The following DIPK2A variants were observed in gnomAD, a reference collection of about 807,000 sequenced individuals.
DIPK2A encodes the protein divergent protein kinase domain 2A, also known as Golgi Protein of 49 kDa.
Under a neutral mutation model 39.0 loss-of-function variants are expected in DIPK2A, and 27 were observed. The observed-to-expected ratio is 0.69, with a 90% CI of 0.51 to 0.96. The LOEUF (loss-of-function observed/expected upper bound fraction) is 0.96. DIPK2A is among the 40% of genes least tolerant of loss of function. The pLI is 0.00. For synonymous variants in DIPK2A, 298 were observed against 240.8 expected (o/e 1.24, Z -2.20); for missense variants, 528 against 571.3 (o/e 0.92, Z 0.77).
chr3:143,978,604 A>ATCTATC (rs368704003), intron 1 of DIPK2A: 1 of 35,578 alleles, frequency 2.8e-5, no homozygotes, highest in African/African-American at 4.8e-4. Flanking sequence ...CTATCTATCT[A>ATCTATC]TATATATATA....
At position 143,985,816 on chromosome 3, in the gene DIPK2A, T is replaced by A; in HGVS notation, c.931T>A (p.Leu311Met). The A allele has an allele frequency of 6.2e-7, 1 of 1,613,230 alleles. No individual in the cohort carries two copies. Among genetic ancestry groups the A allele is most frequent in the Non-Finnish European group, 8.5e-7 (1 of 1,179,490 alleles). ...AATCATTGTGGATGCTGAAAATGTT[T>A]TGGTTGCTGACAAAAGATTAATTAG... ...KVIIVDAENV[L>M]VADKRLIRQN... Residue 311 changes from leucine (L) to methionine (M), a missense_variant, in exon 2 of 3, where the codon TTG (leucine) becomes ATG (methionine). Leu to Met is a conservative substitution (Grantham distance 15). Around this residue, in one of 2 missense-constraint regions of DIPK2A, gnomAD observed 219 missense variants for 281.5 expected, o/e 0.78. Transcript: ENST00000315691.
chr3:143,985,341 A>G (rs762323160), intron 1 of DIPK2A, among the ~76,000 whole-genome samples: 2 of 152,216 alleles, frequency 1.3e-5, no homozygotes, highest in African/African-American at 2.4e-5. Context: ...TTTATAATGT[A>G]AAGTTCTCTA....
In DIPK2A at chr3:143,989,591, A is replaced by G; in HGVS notation, c.1043A>G (p.Glu348Gly). The change falls in exon 3 of 3, where the codon GAA becomes GGA. Residue 348 changes from glutamate to glycine, a missense_variant. By Grantham distance (98) the Glu-to-Gly change is moderately conservative. This residue lies in a region of DIPK2A where 219 missense variants were observed against 281.5 expected (regional missense o/e 0.78). Coordinates refer to ENST00000315691, the MANE Select transcript of DIPK2A (RefSeq NM_173552.5). ...DKEACLSFSK[E>G]ILCARATVDH... is the part of the protein sequence containing the mutation. ...GAGGCTTGCTTATCATTTTCAAAAG[A>G]AATTCTTTGTGCTCGTGCCACTGTG... is the stretch of plus-strand genomic sequence containing the variant. The G allele has an allele frequency of 6.2e-7, 1 of 1,614,226 alleles. No individual in the cohort carries two copies. The highest frequency in any genetic ancestry group is 2.2e-5 in the East Asian group (1 of 44,880).
rs1373342773 is a variant in DIPK2A at position 143,991,417 on chromosome 3, A to T, written c.*1576A>T. On this transcript the variant is annotated 3_prime_UTR_variant, in exon 3 of 3. Coordinates refer to ENST00000315691, the MANE Select transcript of DIPK2A (RefSeq NM_173552.5). Reference sequence around the variant, plus strand: ...ATTATTATCAAATACTTCAATGTAGATATTTCTTAAGTTGAAATAGCATTA... The same window carrying T: ...ATTATTATCAAATACTTCAATGTAGTTATTTCTTAAGTTGAAATAGCATTA... 1 of 152,612 alleles carries T rather than the reference A, an allele frequency of 6.6e-6. No homozygotes were observed. Among genetic ancestry groups the T allele is most frequent in the African/African-American group, 2.4e-5 (1 of 41,456 alleles). The allele number at this position is 152,612 out of a possible 1,614,324, so 9.5% of individuals were successfully genotyped here.
intron 1 of DIPK2A, among the ~76,000 whole-genome samples, chr3:143,977,184 T>A (rs1411350974): frequency 1.3e-5 from 2 of 152,096 alleles, no homozygotes; most frequent in East Asian, 3.8e-4. Flanking sequence ...CAAAAGATTA[T>A]TTAGCTAACG....
In DIPK2A at chr3:143,990,215, C is replaced by G. The variant is rs1460550377; in HGVS notation, c.*374C>G. 6.1e-6 allele frequency: 1 copy of G among 162,918 alleles called. No homozygotes were observed. Among genetic ancestry groups the G allele is most frequent in the Non-Finnish European group, 1.3e-5 (1 of 74,860 alleles). The allele number at this position is 162,918 out of a possible 1,614,324, so 10.1% of individuals were successfully genotyped here. On this transcript the variant is annotated 3_prime_UTR_variant, in exon 3 of 3. Transcript: ENST00000315691. ...CATTTACTATCATGATTTTGTGAAT[C>G]TCTTGCATTTACTTTGAATGTCAAG...
At position 143,990,125 on chromosome 3, in the gene DIPK2A, G is replaced by A. The variant is rs1251179749; in HGVS notation, c.*284G>A. ...TGAGTGGATTAATGAATATTGTTAA[G>A]CTATTGGAAATGAGTCTGATAGTAC... is the stretch of plus-strand genomic sequence containing the variant. On this transcript the variant is annotated 3_prime_UTR_variant, in exon 3 of 3. Coordinates refer to ENST00000315691, the MANE Select transcript of DIPK2A (RefSeq NM_173552.5). The A allele has an allele frequency of 3.0e-5, 10 of 332,248 alleles. No homozygotes were observed. Among genetic ancestry groups the A allele is most frequent in the Non-Finnish European group, 5.0e-5 (9 of 179,536 alleles). The allele number at this position is 332,248 out of a possible 1,614,324, so 20.6% of individuals were successfully genotyped here.
Position 143,978,624 on chromosome 3 carries a change from ATATATATATATATATC to A in DIPK2A, c.657+5651_657+5666del, listed in dbSNP as rs1559854099. ...TATCTATATATATATATCTATATCT[ATATATATATATATATC>A]TATATATATATATATATATCTATAT... is the stretch of plus-strand genomic sequence containing the variant. On this transcript the variant is annotated intron_variant, in intron 1 of 2. Transcript: ENST00000315691. 3 of 32,596 alleles carry A rather than the reference ATATATATATATATATC, an allele frequency of 9.2e-5. No individual in the cohort carries two copies. The African/African-American group carries it at 9.6e-4, about 10-fold the overall frequency. The allele number at this position is 32,596 out of a possible 1,614,324, so 2.0% of individuals were successfully genotyped here.
chr3:143,989,778 C>A lies in DIPK2A; in HGVS notation c.1230C>A (p.Gly410=). 1 of 1,614,156 alleles carries A rather than the reference C, an allele frequency of 6.2e-7. No individual in the cohort carries two copies. Among genetic ancestry groups the A allele is most frequent in the Non-Finnish European group, 8.5e-7 (1 of 1,180,032 alleles). Residue 410 remains glycine (G), a synonymous_variant, in exon 3 of 3, where the codon GGC becomes GGA. Coordinates refer to ENST00000315691, the MANE Select transcript of DIPK2A (RefSeq NM_173552.5). ...DECANPKKRY[G]RFQAAKELRE... is the part of the protein sequence containing the mutation. ...GTGCCAACCCAAAGAAGCGCTATGGCAGATTCCAGGCTGCAAAAGAACTGC... is the reference window on the plus strand; with the variant it reads ...GTGCCAACCCAAAGAAGCGCTATGGAAGATTCCAGGCTGCAAAAGAACTGC...
At chr3:143,983,776 T>A (rs1048190468) in intron 1 of DIPK2A, among the ~76,000 whole-genome samples, 4 of 152,192 alleles carry the variant, frequency 2.6e-5, no homozygotes, top group Non-Finnish European at 4.4e-5. Flanking sequence ...GGAGCTGGTT[T>A]TTTGAAAAGA....
rs2087993590 is a variant in DIPK2A, at chr3:143,991,858, T to TG, written c.*2018dup. 6.6e-6 allele frequency: 1 copy of TG among 152,218 alleles called. No individual in the cohort carries two copies. The highest frequency in any genetic ancestry group is 2.4e-5 in the African/African-American group (1 of 41,464). The allele number at this position is 152,218 out of a possible 1,614,324, so 9.4% of individuals were successfully genotyped here. A position where few individuals can be genotyped will look rare whatever the true frequency, so the allele number is the denominator to read the frequency against. On this transcript the variant is annotated 3_prime_UTR_variant, in exon 3 of 3. Transcript: ENST00000315691. ...CTTATAATACCAGTCACAAAGAGGT[T>TG]GTCTGTCTATGGTTTAGCAAACATT...
rs536486981 is a variant in DIPK2A at position 143,985,730 on chromosome 3, C to G, written c.845C>G (p.Ala282Gly). The G allele has an allele frequency of 1.2e-6, 2 of 1,614,126 alleles. No homozygotes were observed. Among genetic ancestry groups the G allele is most frequent in the East Asian group, 4.5e-5 (2 of 44,882 alleles). The change falls in exon 2 of 3, where the codon GCA becomes GGA. Residue 282 changes from alanine (A) to glycine (G), a missense_variant. Coordinates refer to ENST00000315691, the MANE Select transcript of DIPK2A (RefSeq NM_173552.5). Reference protein sequence around the residue: ...EQLTNNDFEFALYLLDVSFDN... With the variant: ...EQLTNNDFEFGLYLLDVSFDN... ...CTTACAAACAATGACTTTGAATTTG[C>G]ACTCTACCTCCTGGACGTCAGCTTT...
rs768238482 is a variant in DIPK2A at position 143,985,698 on chromosome 3, A to G, written c.813A>G (p.Ala271=). The change falls in exon 2 of 3, where the codon GCA becomes GCG. Residue 271 remains alanine (A), a synonymous_variant. Transcript: ENST00000315691. ...VDLAWQLMEI[A]EQLTNNDFEF... is the part of the protein sequence containing the mutation. The stretch of plus-strand genomic sequence containing the variant: ...TCGCTTGGCAATTAATGGAAATAGC[A>G]GAACAGCTTACAAACAATGACTTTG... The G allele has an allele frequency of 7.4e-6, 12 of 1,614,106 alleles. No individual in the cohort carries two copies. In the Admixed American group the frequency reaches 1.7e-4, roughly 22 times the overall value.
At chr3:143,986,674 G>A (rs1239045549) in intron 2 of DIPK2A, among the ~76,000 whole-genome samples, 5 of 147,588 alleles carry the variant, frequency 3.4e-5, no homozygotes, top group South Asian at 2.1e-4. Flanking sequence ...GCAGTGAGCC[G>A]AGATTGCGCC....
At chr3:143,981,613 T>C (rs1459950824) in intron 1 of DIPK2A, among the ~76,000 whole-genome samples, 1 of 152,180 alleles carries the variant, frequency 6.6e-6, no homozygotes, top group African/African-American at 2.4e-5. Flanking sequence ...TTATGTAATA[T>C]ATAAACCGTT....
rs374703610 is a variant in DIPK2A at position 143,988,977 on chromosome 3, G to A, written c.962-533G>A. On this transcript the variant is annotated intron_variant, in intron 2 of 2. Transcript: ENST00000315691. The stretch of plus-strand genomic sequence containing the variant: ...ACAAGTTACGACCTATTTTTCTAGC[G>A]TCACCTGTATCTCCTTGCCAACTAC... 2.2e-4 allele frequency among the ~76,000 whole-genome samples: 34 copies of A among 152,170 alleles called. No homozygotes were observed. The South Asian group carries it at 3.9e-3, about 18-fold the overall frequency.
chr3:143,991,556 A>G lies in DIPK2A; in HGVS notation c.*1715A>G, dbSNP rs2087988945. On this transcript the variant is annotated 3_prime_UTR_variant, in exon 3 of 3. Transcript: ENST00000315691. ...GGATGAAGTCAATAAAGTTTATGCC[A>G]GTTTAAAAACTGGAAGGAAAAGGTA... is the stretch of plus-strand genomic sequence containing the variant. 6.6e-6 allele frequency: 1 copy of G among 152,660 alleles called. No individual in the cohort carries two copies. The highest frequency in any genetic ancestry group is 2.4e-5 in the African/African-American group (1 of 41,476). The allele number at this position is 152,660 out of a possible 1,614,324, so 9.5% of individuals were successfully genotyped here. A position where few individuals can be genotyped will look rare whatever the true frequency, so the allele number is the denominator to read the frequency against.
Position 143,991,377 on chromosome 3 carries a change from T to C in DIPK2A, c.*1536T>C, listed in dbSNP as rs549127622. ...CATACTGTCTGAACATGACATACGG[T>C]TAAGTAACTTTACAATTATTATCAA... On this transcript the variant is annotated 3_prime_UTR_variant, in exon 3 of 3. Coordinates refer to ENST00000315691, the MANE Select transcript of DIPK2A (RefSeq NM_173552.5). The C allele has an allele frequency of 1.3e-5, 2 of 152,764 alleles. No individual in the cohort carries two copies. Among genetic ancestry groups the C allele is most frequent in the East Asian group, 3.8e-4 (2 of 5,196 alleles). 9.5% of individuals were successfully genotyped at this position (152,764 alleles called of 1,614,324 possible). A position where few individuals can be genotyped will look rare whatever the true frequency, so the allele number is the denominator to read the frequency against.
At chr3:143,987,182 C>G (rs947514954) in intron 2 of DIPK2A, among the ~76,000 whole-genome samples, 6 of 152,088 alleles carry the variant, frequency 3.9e-5, no homozygotes, top group African/African-American at 1.4e-4. Context: ...ATTGTAGCAG[C>G]GTATACTATT....
Sources: allele counts gnomAD v4.1 joint callset (sites outside exome capture counted in the v4.1 genomes callset), GRCh38; gene constraint gnomAD v4.1.1; regional missense constraint gnomAD v4.1.1; transcripts MANE v1.5; gene names NCBI Gene and HGNC (gene_info 2026-07-23, HGNC 2026-07-21).